Variants in DCC observed in about 807,000 individuals in gnomAD.
DCC encodes the protein DCC netrin 1 receptor.
In DCC, 58 loss-of-function variants were observed where a neutral mutation model predicts 172.5. The observed-to-expected ratio is 0.34, with a 90% CI of 0.27 to 0.42. DCC has a LOEUF of 0.42. Among genes scored for constraint, DCC ranks in the 10% least tolerant of loss-of-function variants. The pLI is 1.00. For synonymous variants in DCC, 709 were observed against 644.5 expected (o/e 1.10, Z -1.52); for missense variants, 1,740 against 1,791.0 (o/e 0.97, Z 0.51).
intron 7 of DCC, among the ~76,000 whole-genome samples, chr18:53,119,390 A>G (rs1439527904): frequency 6.6e-6 from 1 of 151,706 alleles, no homozygotes; most frequent in Non-Finnish European, 1.5e-5. Context: ...TTCCTGGCTC[A>G]ACTCTCTCAC....
At chr18:52,875,151 A>C (rs2039384153) in intron 2 of DCC, among the ~76,000 whole-genome samples, 1 of 152,152 alleles carries the variant, frequency 6.6e-6, no homozygotes. Context: ...AAGGAACAGT[A>C]ATTTCTCACC....
At chr18:53,060,955 A>C (rs2042486983) in intron 5 of DCC, among the ~76,000 whole-genome samples, 1 of 152,196 alleles carries the variant, frequency 6.6e-6, no homozygotes, top group Non-Finnish European at 1.5e-5. Context: ...AAAAAGCAAG[A>C]GGCTACATAC....
intron 12 of DCC, among the ~76,000 whole-genome samples, chr18:53,246,207 C>A (rs752691282): frequency 2.0e-5 from 3 of 151,992 alleles, no homozygotes; most frequent in Admixed American, 6.6e-5. Flanking sequence ...GGCTTTAGCA[C>A]CCTTCTTTGA....
At chr18:53,113,259 A>G (rs2043360804) in intron 7 of DCC, among the ~76,000 whole-genome samples, 1 of 151,518 alleles carries the variant, frequency 6.6e-6, no homozygotes, top group South Asian at 2.1e-4. Flanking sequence ...TTTTATTCAG[A>G]GGCTGCTCGG....
At chr18:52,952,368 G>C (rs529337827) in intron 5 of DCC, among the ~76,000 whole-genome samples, 1 of 152,030 alleles carries the variant, frequency 6.6e-6, no homozygotes, top group African/African-American at 2.4e-5. Context: ...ACATCTTTAA[G>C]TGTTTCTCAG....
At chr18:52,699,029 A>C (rs2036061013) in intron 1 of DCC, among the ~76,000 whole-genome samples, 1 of 152,190 alleles carries the variant, frequency 6.6e-6, no homozygotes, top group Non-Finnish European at 1.5e-5. Flanking sequence ...GTGAATAAAC[A>C]AATGTGCTTG....
At chr18:53,402,958 A>C (rs543592945) in intron 19 of DCC, 65 bp downstream of exon 19, 2 of 1,127,460 alleles carry the variant, frequency 1.8e-6, no homozygotes, top group East Asian at 2.4e-5. Context: ...TACCCCCTAC[A>C]TGAGCTGCTC....
At chr18:53,157,303 A>C in intron 7 of DCC, 53 bp from the exon 8 acceptor site, 1 of 1,612,370 alleles carries the variant, frequency 6.2e-7, no homozygotes, top group Non-Finnish European at 8.5e-7. Context: ...TTCCTACCCA[A>C]TTCTTACCTA....
At chr18:53,503,778 C>CTCT (rs1363508478) in intron 27 of DCC, among the ~76,000 whole-genome samples, 2 of 152,152 alleles carry the variant, frequency 1.3e-5, no homozygotes, top group African/African-American at 4.8e-5. Flanking sequence ...TATCATAATA[C>CTCT]TCTTTTATAA....
At chr18:53,092,953 G>T (rs2043035042) in intron 7 of DCC, among the ~76,000 whole-genome samples, 1 of 146,524 alleles carries the variant, frequency 6.8e-6, no homozygotes, top group Admixed American at 6.8e-5. Context: ...TTCTATCTCT[G>T]ATATGAACAA....
At position 52,923,875 on chromosome 18, in the gene DCC, C is replaced by G. The variant is rs1568189513; in HGVS notation, c.848+18C>G. The G allele has an allele frequency of 2.5e-6, 4 of 1,600,558 alleles. No individual in the cohort carries two copies. The highest frequency in any genetic ancestry group is 1.1e-5 in the South Asian group (1 of 90,882). ...CAACTCAGGTATTTCACATTTAAGACTTTTTTGTAAAGTGTACTTTTGTAT... is the reference window on the plus strand; with the variant it reads ...CAACTCAGGTATTTCACATTTAAGAGTTTTTTGTAAAGTGTACTTTTGTAT... On this transcript the variant is annotated intron_variant, in intron 4 of 28. Transcript: ENST00000442544.
At chr18:53,208,097 CTG>C (rs1272216192) in intron 11 of DCC, among the ~76,000 whole-genome samples, 1 of 148,790 alleles carries the variant, frequency 6.7e-6, no homozygotes, top group Non-Finnish European at 1.5e-5. Context: ...GACCCTATCT[CTG>C]TAAATGTTTT....
At chr18:53,092,190 T>G (rs868500776) in intron 7 of DCC, among the ~76,000 whole-genome samples, 15 of 152,278 alleles carry the variant, frequency 9.9e-5, no homozygotes, top group Middle Eastern at 6.8e-3. Flanking sequence ...TACCTTAAAT[T>G]TTTTAAATAT....
At chr18:52,853,456 A>G (rs1453238979) in intron 2 of DCC, among the ~76,000 whole-genome samples, 1 of 152,222 alleles carries the variant, frequency 6.6e-6, no homozygotes, top group African/African-American at 2.4e-5. Flanking sequence ...CAACCATTTT[A>G]TGAAACGGTA....
intron 7 of DCC, among the ~76,000 whole-genome samples, chr18:53,147,623 T>C (rs889883516): frequency 9.2e-5 from 14 of 152,328 alleles, no homozygotes; most frequent in African/African-American, 3.4e-4. Flanking sequence ...CTCACTGCCA[T>C]ACACAGCCAG....
At chr18:52,942,129 C>A (rs1287417960) in intron 5 of DCC, among the ~76,000 whole-genome samples, 1 of 152,064 alleles carries the variant, frequency 6.6e-6, no homozygotes, top group East Asian at 1.9e-4. Flanking sequence ...GATTTTGCCA[C>A]TAATTATGTA....
chr18:53,255,869 C>G, intron 12 of DCC, among the ~76,000 whole-genome samples: 1 of 152,120 alleles, frequency 6.6e-6, no homozygotes, highest in Non-Finnish European at 1.5e-5. Flanking sequence ...TCCTCTCCAG[C>G]ACCTGTTGTT....
rs984305779 is a variant in DCC at position 53,090,732 on chromosome 18, A to T, written c.1261+24566A>T. ...AAAAAAAAAAAAAAAAAAAAAAAAA[A>T]AAGAATGTATCGTGTTTCTTGATGC... On this transcript the variant is annotated intron_variant, in intron 7 of 28. Coordinates refer to ENST00000442544, the MANE Select transcript of DCC (RefSeq NM_005215.4). 4.3e-4 allele frequency among the ~76,000 whole-genome samples: 56 copies of T among 129,156 alleles called. 2 individuals are homozygous for T. Among genetic ancestry groups the T allele is most frequent in the Non-Finnish European group, 5.8e-4 (35 of 59,914 alleles). The allele number at this position is 129,156 out of a possible 152,430, so 84.7% of individuals were successfully genotyped here.
chr18:52,403,767 A>T (rs1331710947), intron 1 of DCC, among the ~76,000 whole-genome samples: 1 of 152,038 alleles, frequency 6.6e-6, no homozygotes, highest in Non-Finnish European at 1.5e-5. Context: ...TTTGCTGCTA[A>T]TTCAATAGCA....
Sources: allele counts gnomAD v4.1 joint callset (sites outside exome capture counted in the v4.1 genomes callset), GRCh38; gene constraint gnomAD v4.1.1; transcripts MANE v1.5; gene names NCBI Gene and HGNC (gene_info 2026-07-23, HGNC 2026-07-21).